Variants in EPM2A observed in about 807,000 individuals in gnomAD.
The protein encoded by EPM2A is laforin.
Under a neutral mutation model 26.5 loss-of-function variants are expected in EPM2A, and 21 were observed. The observed-to-expected ratio is 0.79, with a 90% CI of 0.56 to 1.14. EPM2A has a LOEUF of 1.14. Ranked by LOEUF, EPM2A falls within the 50% of genes most tolerant of loss-of-function variation. The pLI, the probability that EPM2A is intolerant of heterozygous loss-of-function variation, is 0.00. For synonymous variants in EPM2A, 217 were observed against 177.6 expected (o/e 1.22, Z -1.76); for missense variants, 458 against 440.8 (o/e 1.04, Z -0.35).
intron 2 of EPM2A, among the ~76,000 whole-genome samples, chr6:145,568,625 G>C (rs1280656071): frequency 1.3e-5 from 2 of 152,116 alleles, no homozygotes; most frequent in Non-Finnish European, 2.9e-5. Flanking sequence ...GCCCGGCCTG[G>C]AATATGTGAC....
At chr6:145,566,016 A>G (rs987754730) in intron 2 of EPM2A, among the ~76,000 whole-genome samples, 13 of 152,224 alleles carry the variant, frequency 8.5e-5, no homozygotes, top group African/African-American at 2.9e-4. Flanking sequence ...GTTAGGAACA[A>G]AAATGAATGA....
chr6:145,584,371 G>A (rs2114839722), intron 2 of EPM2A, among the ~76,000 whole-genome samples: 1 of 152,286 alleles, frequency 6.6e-6, no homozygotes, highest in South Asian at 2.1e-4. Flanking sequence ...CCCTGGAAGA[G>A]GTTGGCAGAC....
intron 4 of EPM2A, among the ~76,000 whole-genome samples, chr6:145,479,766 C>T (rs1779590088): frequency 6.6e-6 from 1 of 151,908 alleles, no homozygotes; most frequent in African/African-American, 2.4e-5. Context: ...CTTCTGGGTA[C>T]CTACCTAGCA....
At chr6:145,484,613 G>T (rs1779650669) in intron 4 of EPM2A, among the ~76,000 whole-genome samples, 1 of 152,040 alleles carries the variant, frequency 6.6e-6, no homozygotes, top group Non-Finnish European at 1.5e-5. Flanking sequence ...TATATTAACT[G>T]CTGGATCCCT....
chr6:145,411,544 A>G (rs1778643055), intron 4 of EPM2A, among the ~76,000 whole-genome samples: 1 of 151,364 alleles, frequency 6.6e-6, no homozygotes, highest in Non-Finnish European at 1.5e-5. Context: ...TCAGAAGGGA[A>G]AAAATGAGGT....
chr6:145,409,767 C>T (rs2114674056), intron 4 of EPM2A, among the ~76,000 whole-genome samples: 1 of 152,272 alleles, frequency 6.6e-6, no homozygotes, highest in Non-Finnish European at 1.5e-5. Context: ...GTGGTTACTC[C>T]TCTTGGCTTG....
At chr6:145,513,653 G>A (rs1780086075) in intron 2 of EPM2A, among the ~76,000 whole-genome samples, 2 of 152,224 alleles carry the variant, frequency 1.3e-5, no homozygotes, top group Non-Finnish European at 2.9e-5. Context: ...GTTGATTGCA[G>A]TAATGACTTC....
intron 2 of EPM2A, among the ~76,000 whole-genome samples, chr6:145,560,433 T>A (rs1184141039): frequency 2.6e-5 from 4 of 152,100 alleles, no homozygotes; most frequent in African/African-American, 9.7e-5. Context: ...ATAGAAAATA[T>A]TTTAGGCTCT....
chr6:145,429,469 C>T (rs1308857657), intron 4 of EPM2A, among the ~76,000 whole-genome samples: 2 of 151,938 alleles, frequency 1.3e-5, no homozygotes, highest in Non-Finnish European at 2.9e-5. Context: ...AAGAATATTA[C>T]AATGTTCTGA....
intron 1 of EPM2A, among the ~76,000 whole-genome samples, chr6:145,691,106 G>A (rs549245178): frequency 1.3e-5 from 2 of 152,036 alleles, no homozygotes; most frequent in South Asian, 2.1e-4. Flanking sequence ...AAATAATGCC[G>A]GAAAACTTTT....
intron 4 of EPM2A, among the ~76,000 whole-genome samples, chr6:145,400,955 C>T (rs886260032): frequency 6.6e-6 from 1 of 151,930 alleles, no homozygotes; most frequent in Non-Finnish European, 1.5e-5. Context: ...ACAAGCTTAT[C>T]CATAAAACAA....
rs9497330 is a variant in EPM2A at position 145,510,333 on chromosome 6, T to C, written c.341-7758A>G. The stretch of plus-strand genomic sequence containing the variant: ...GGAACATACTGTAAGATTGACCACA[T>C]GCTTAACCATAAAGCAAGTCCTCAT... On this transcript the variant is annotated intron_variant, in intron 2 of 3. Coordinates refer to the EPM2A transcript ENST00000450221. Among the ~76,000 whole-genome samples, 1,167 of 152,286 alleles carry C rather than the reference T, an allele frequency of 7.7e-3. 16 individuals are homozygous for C. The highest frequency in any genetic ancestry group is 0.027 in the African/African-American group (1,111 of 41,574).
At chr6:145,643,749 C>T (rs1275117860) in intron 2 of EPM2A, among the ~76,000 whole-genome samples, 1 of 151,924 alleles carries the variant, frequency 6.6e-6, no homozygotes, top group Non-Finnish European at 1.5e-5. Flanking sequence ...ATGTCTTCTT[C>T]ACTGCCAACT....
At chr6:145,420,937 G>C (rs567076122) in intron 4 of EPM2A, among the ~76,000 whole-genome samples, 1 of 152,076 alleles carries the variant, frequency 6.6e-6, no homozygotes, top group East Asian at 1.9e-4. Flanking sequence ...GGCACTAAAT[G>C]GCATTAATCC....
intron 4 of EPM2A, among the ~76,000 whole-genome samples, chr6:145,384,516 C>T (rs1235930917): frequency 6.8e-6 from 1 of 147,584 alleles, no homozygotes; most frequent in Non-Finnish European, 1.5e-5. Context: ...ACTGGATCAG[C>T]CTGCAGAGTT....
intron 1 of EPM2A, chr6:145,721,376 C>CA (rs1271136371): frequency 2.0e-5 from 3 of 152,112 alleles, no homozygotes; most frequent in Non-Finnish European, 4.4e-5. Flanking sequence ...AGCATCAGAG[C>CA]AAAAAACTTA....
intron 4 of EPM2A, among the ~76,000 whole-genome samples, chr6:145,435,777 TTTGTTG>T (rs370646822): frequency 6.6e-6 from 1 of 152,046 alleles, no homozygotes; most frequent in Non-Finnish European, 1.5e-5. Context: ...TAGCATGATT[TTTGTTG>T]TTGTTGTTGT....
chr6:145,665,357 A>G (rs1226764800), intron 2 of EPM2A, among the ~76,000 whole-genome samples: 3 of 75,718 alleles, frequency 4.0e-5, no homozygotes, highest in Non-Finnish European at 7.4e-5. Context: ...ACAGAAATAC[A>G]AACTACCATC....
intron 2 of EPM2A, among the ~76,000 whole-genome samples, chr6:145,569,930 G>A (rs979200645): frequency 3.9e-5 from 6 of 152,116 alleles, no homozygotes; most frequent in African/African-American, 1.4e-4. Flanking sequence ...CTGTCTGCAG[G>A]CTGAGGAGCA....
Sources: allele counts gnomAD v4.1 joint callset (sites outside exome capture counted in the v4.1 genomes callset), GRCh38; gene constraint gnomAD v4.1.1; transcripts MANE v1.5; gene names NCBI Gene and HGNC (gene_info 2026-07-23, HGNC 2026-07-21).